The following ENOX1 variants were observed in gnomAD, a reference collection of about 807,000 sequenced individuals.
ENOX1 encodes candidate growth-related and time keeping constitutive hydroquinone (NADH) oxidase.
In ENOX1, 42 loss-of-function variants were observed where a neutral mutation model predicts 82.5. The observed-to-expected ratio is 0.51, with a 90% CI of 0.40 to 0.66. The LOEUF is 0.66. ENOX1 is among the 30% of genes least tolerant of loss of function. The pLI, the probability that ENOX1 is intolerant of heterozygous loss-of-function variation, is 0.00. For synonymous variants in ENOX1, 271 were observed against 282.2 expected, an observed-to-expected ratio of 0.96 and a Z score of 0.40; for missense variants, 608 against 811.6, an observed-to-expected ratio of 0.75 and a Z score of 3.05.
chr13:43,269,602 A>G, intron 12 of ENOX1, 25 bp from the exon 13 acceptor site: 3 of 1,567,112 alleles, frequency 1.9e-6, no homozygotes, highest in Non-Finnish European at 2.6e-6. Flanking sequence ...GATATTTAGC[A>G]TAAGTAGGAT....
At chr13:43,515,568 A>G (rs1162589536) in intron 2 of ENOX1, among the ~76,000 whole-genome samples, 1 of 152,200 alleles carries the variant, frequency 6.6e-6, no homozygotes, top group Non-Finnish European at 1.5e-5. Context: ...AGATAATAGT[A>G]TTACAATACT....
intron 2 of ENOX1, among the ~76,000 whole-genome samples, chr13:43,605,986 A>T (rs1179523428): frequency 6.6e-6 from 1 of 152,218 alleles, no homozygotes; most frequent in Non-Finnish European, 1.5e-5. Context: ...CCAATTAAAA[A>T]ATGGGCAAAA....
intron 2 of ENOX1, chr13:43,546,200 G>A (rs2078967470): frequency 6.6e-6 from 1 of 152,274 alleles, no homozygotes; most frequent in Admixed American, 6.5e-5. Flanking sequence ...TAAGTGCTAT[G>A]AAGATGGTTA....
At chr13:43,353,473 C>T (rs75403236) in intron 8 of ENOX1, among the ~76,000 whole-genome samples, 2,232 of 152,236 alleles carry the variant, frequency 0.015, 65 homozygotes, top group African/African-American at 0.051. Context: ...TTTCCATTTC[C>T]TTTCTGACAC....
intron 2 of ENOX1, among the ~76,000 whole-genome samples, chr13:43,522,551 G>T (rs1012808094): frequency 2.0e-5 from 3 of 152,090 alleles, no homozygotes; most frequent in African/African-American, 7.2e-5. Context: ...CCAAGGTCTC[G>T]CAACGCCTTG....
chr13:43,215,209 C>A (rs1363522318), intron 16 of ENOX1, among the ~76,000 whole-genome samples: 1 of 152,152 alleles, frequency 6.6e-6, no homozygotes, highest in Admixed American at 6.5e-5. Context: ...GAAGTCAAAT[C>A]AACTGTTTAT....
chr13:43,400,002 C>T (rs956186456), intron 5 of ENOX1, among the ~76,000 whole-genome samples: 9 of 151,962 alleles, frequency 5.9e-5, no homozygotes, highest in Non-Finnish European at 8.8e-5. Flanking sequence ...GTGTGTAGTC[C>T]AGCTCTGAAA....
At chr13:43,329,666 T>C (rs2048315131) in intron 9 of ENOX1, among the ~76,000 whole-genome samples, 1 of 152,202 alleles carries the variant, frequency 6.6e-6, no homozygotes, top group Admixed American at 6.5e-5. Flanking sequence ...TAAAACTAAG[T>C]GGGATTTAAT....
At chr13:43,525,650 T>G (rs1211321385) in intron 2 of ENOX1, among the ~76,000 whole-genome samples, 3 of 151,934 alleles carry the variant, frequency 2.0e-5, no homozygotes, top group Non-Finnish European at 4.4e-5. Flanking sequence ...ACTTATTTGG[T>G]TTTTTTTGAT....
At chr13:43,644,698 C>T (rs531461105) in intron 2 of ENOX1, among the ~76,000 whole-genome samples, 108 of 152,286 alleles carry the variant, frequency 7.1e-4, no homozygotes, top group Non-Finnish European at 1.5e-3. Context: ...TCATTATATA[C>T]AATTTACAGA....
intron 2 of ENOX1, among the ~76,000 whole-genome samples, chr13:43,655,523 C>CA (rs2084389203): frequency 1.3e-5 from 2 of 152,140 alleles, no homozygotes; most frequent in African/African-American, 2.4e-5. Context: ...TAGCATGCAC[C>CA]AACTGTCTTC....
intron 2 of ENOX1, among the ~76,000 whole-genome samples, chr13:43,562,955 C>G (rs962947954): frequency 1.3e-5 from 2 of 152,122 alleles, no homozygotes; most frequent in African/African-American, 4.8e-5. Flanking sequence ...TTCAACACCC[C>G]ACTTTCAGCA....
At chr13:43,407,723 C>T (rs930988201) in intron 5 of ENOX1, among the ~76,000 whole-genome samples, 3 of 152,228 alleles carry the variant, frequency 2.0e-5, no homozygotes, top group Admixed American at 2.0e-4. Flanking sequence ...CAGAGTTTGC[C>T]ACCATTGTTA....
chr13:43,737,078 T>C (rs2089668928), intron 1 of ENOX1, among the ~76,000 whole-genome samples: 2 of 152,188 alleles, frequency 1.3e-5, no homozygotes, highest in Admixed American at 1.3e-4. Flanking sequence ...CCAGCAAATA[T>C]GTTTGCCATT....
chr13:43,405,359 AG>A (rs1264077568), intron 5 of ENOX1, among the ~76,000 whole-genome samples: 2 of 152,130 alleles, frequency 1.3e-5, no homozygotes, highest in African/African-American at 2.4e-5. Flanking sequence ...TACGGTCCCC[AG>A]GGCGTCAACA....
chr13:43,616,146 C>CTA (rs1555341756), intron 2 of ENOX1, among the ~76,000 whole-genome samples: 828 of 54,664 alleles, frequency 0.015, 57 homozygotes, highest in African/African-American at 0.038. Flanking sequence ...ATCTAGATAT[C>CTA]TATATAGATA....
chr13:43,769,228 A>G (rs1196109649), intron 1 of ENOX1, among the ~76,000 whole-genome samples: 2 of 152,146 alleles, frequency 1.3e-5, no homozygotes, highest in African/African-American at 4.8e-5. Context: ...ATTACCCATA[A>G]CACTGAATCT....
chr13:43,439,355 C>T (rs111841516), intron 3 of ENOX1, among the ~76,000 whole-genome samples: 55 of 152,158 alleles, frequency 3.6e-4, no homozygotes, highest in Middle Eastern at 3.4e-3. Context: ...ACCTCAGCCA[C>T]CACGCCTGGC....
At chr13:43,412,141 C>A in intron 4 of ENOX1, 88 bp from the exon 5 acceptor site, 1 of 1,416,632 alleles carries the variant, frequency 7.1e-7, no homozygotes, top group Non-Finnish European at 9.8e-7. Context: ...TGTGAGGCTT[C>A]ATTTAGCACA....
Sources: allele counts gnomAD v4.1 joint callset (sites outside exome capture counted in the v4.1 genomes callset), GRCh38; gene constraint gnomAD v4.1.1; transcripts MANE v1.5; gene names NCBI Gene and HGNC (gene_info 2026-07-23, HGNC 2026-07-21).